The following PRR14L variants were observed in gnomAD, a reference collection of about 807,000 sequenced individuals.
The protein encoded by PRR14L is proline rich 14 like.
In PRR14L, 80 loss-of-function variants were observed where a neutral mutation model predicts 155.0. The observed-to-expected ratio is 0.52, with a 90% CI of 0.43 to 0.62. The LOEUF (loss-of-function observed/expected upper bound fraction) is 0.62, where lower values mean the gene tolerates loss of function less well. Among genes scored for constraint, PRR14L ranks in the 20% least tolerant of loss-of-function variants. The pLI, the probability that PRR14L is intolerant of heterozygous loss-of-function variation, is 0.00. For synonymous variants in PRR14L, 883 were observed against 916.0 expected, an observed-to-expected ratio of 0.96 and a Z score of 0.65; for missense variants, 2,469 against 2,548.0, an observed-to-expected ratio of 0.97 and a Z score of 0.67.
At chr22:31,701,512 C>G (rs1049245449) in intron 7 of PRR14L, 144 bp downstream of exon 7, 1 of 554,712 alleles carries the variant, frequency 1.8e-6, no homozygotes, top group African/African-American at 1.9e-5. Context: ...AAATATCTAG[C>G]GACATTACTA....
rs779669195 is a variant in PRR14L, at chr22:31,716,524, T to C, written c.1315A>G (p.Lys439Glu). 5.2e-6 allele frequency: 8 copies of C among 1,545,682 alleles called. No homozygotes were observed. Among genetic ancestry groups the C allele is most frequent in the South Asian group, 4.9e-5 (4 of 82,394 alleles). The change falls in exon 4 of 9, where the codon AAG (lysine) becomes GAG (glutamate). Residue 439 changes from lysine (K) to glutamate (E), a missense_variant. This residue lies in a region of PRR14L where 2,363 missense variants were observed against 2,371.6 expected (regional missense o/e 1.00). Coordinates refer to ENST00000327423, the MANE Select transcript of PRR14L (RefSeq NM_173566.3). ...ATGCAGTTATTGTGGATATTTTCCT[T>C]TGGAGAAACAACAGGCTCTTTTTCA... ...SGEKEPVVSP[K>E]ENIHNNCIQD...
At chr22:31,749,636 C>T (rs1425500231) in intron 1 of PRR14L, among the ~76,000 whole-genome samples, 1 of 152,158 alleles carries the variant, frequency 6.6e-6, no homozygotes, top group African/African-American at 2.4e-5. Context: ...AGTGGGTCTC[C>T]CTCTGCTGAC....
intron 4 of PRR14L, among the ~76,000 whole-genome samples, chr22:31,709,838 G>C (rs1018005774): frequency 6.6e-6 from 1 of 151,672 alleles, no homozygotes; most frequent in Non-Finnish European, 1.5e-5. Context: ...ACGGTGCCCA[G>C]CTTCCAGGAT....
At chr22:31,692,705 G>C (rs1183851289) in intron 7 of PRR14L, among the ~76,000 whole-genome samples, 1 of 152,156 alleles carries the variant, frequency 6.6e-6, no homozygotes, top group Non-Finnish European at 1.5e-5. Flanking sequence ...TCAGTGGTTT[G>C]ATGACAGTTC....
In PRR14L at chr22:31,685,300, G is replaced by C; in HGVS notation, c.*227C>G. 2.1e-6 allele frequency: 1 copy of C among 467,560 alleles called. No individual in the cohort carries two copies. The highest frequency in any genetic ancestry group is 3.8e-6 in the Non-Finnish European group (1 of 265,168). The allele number at this position is 467,560 out of a possible 1,614,324, so 29.0% of individuals were successfully genotyped here. A position where few individuals can be genotyped will look rare whatever the true frequency, so the allele number is the denominator to read the frequency against. On this transcript the variant is annotated 3_prime_UTR_variant, in exon 9 of 9. Transcript: ENST00000327423. Reference sequence around the variant, plus strand: ...TTTCCAGGAGAAAGGGAGCATTCCTGAGGTTCTATACTCAGCAGTAAAAGT... The same window carrying C: ...TTTCCAGGAGAAAGGGAGCATTCCTCAGGTTCTATACTCAGCAGTAAAAGT...
intron 4 of PRR14L, among the ~76,000 whole-genome samples, chr22:31,710,708 C>T (rs2074616354): frequency 6.6e-6 from 1 of 152,156 alleles, no homozygotes; most frequent in Non-Finnish European, 1.5e-5. Flanking sequence ...CCTGTCTCGG[C>T]CTCCCAAAGC....
intron 2 of PRR14L, among the ~76,000 whole-genome samples, chr22:31,732,081 A>T (rs1276435226): frequency 6.6e-6 from 1 of 152,192 alleles, no homozygotes; most frequent in East Asian, 1.9e-4. Context: ...CAGGATAGGT[A>T]ATCAAATTCA....
intron 7 of PRR14L, among the ~76,000 whole-genome samples, chr22:31,701,223 G>A (rs551646285): frequency 6.6e-6 from 1 of 151,314 alleles, no homozygotes; most frequent in Admixed American, 6.6e-5. Flanking sequence ...CCCGACCTCA[G>A]GTGATCTCCC....
Position 31,703,599 on chromosome 22 carries a change from A to C in PRR14L, c.5951T>G (p.Val1984Gly). 1 of 1,613,962 alleles carries C rather than the reference A, an allele frequency of 6.2e-7. No homozygotes were observed. The highest frequency in any genetic ancestry group is 8.5e-7 in the Non-Finnish European group (1 of 1,179,936). ...CTGTGGGCAGGGGCATGCTGCTTTC[A>C]CACCATCCAGCTCATCCAATCCACG... is the stretch of plus-strand genomic sequence containing the variant. ...QVRGLDELDGVKAACPCPQSS... is the reference protein window; with the variant it reads ...QVRGLDELDGGKAACPCPQSS... The change falls in exon 6 of 9, where the codon GTG becomes GGG. Residue 1984 changes from valine (V) to glycine (G), a missense_variant. Coordinates refer to ENST00000327423, the MANE Select transcript of PRR14L (RefSeq NM_173566.3).
At position 31,712,245 on chromosome 22, in the gene PRR14L, G is replaced by T; in HGVS notation, c.5594C>A (p.Ser1865Tyr). 6.2e-7 allele frequency: 1 copy of T among 1,614,202 alleles called. No individual in the cohort carries two copies. The highest frequency in any genetic ancestry group is 1.1e-5 in the South Asian group (1 of 91,082). ...GACCTTGTCTGCTATGGAGGCTGGA[G>T]ACCGTAACCCTTTCAGGCCCTGTGT... ...QFTQGLKGLR[S>Y]PASIADKVFC... The change falls in exon 4 of 9, where the codon TCT (serine) becomes TAT (tyrosine). Residue 1865 changes from serine (S) to tyrosine (Y), a missense_variant. Ser to Tyr is a moderately radical substitution (Grantham distance 144, BLOSUM62 -2). This residue lies in a region of PRR14L where 2,363 missense variants were observed against 2,371.6 expected (regional missense o/e 1.00). Coordinates refer to ENST00000327423, the MANE Select transcript of PRR14L (RefSeq NM_173566.3).
intron 5 of PRR14L, 68 bp downstream of exon 5, chr22:31,704,587 G>A (rs530920679): frequency 3.9e-6 from 5 of 1,297,232 alleles, no homozygotes; most frequent in South Asian, 2.4e-5. Context: ...CACCACCTAT[G>A]TATGCACTCT....
In PRR14L at chr22:31,698,827, G is replaced by A. The variant is rs189062054; in HGVS notation, c.6107+2829C>T. Among the ~76,000 whole-genome samples, 735 of 151,266 alleles carry A rather than the reference G, an allele frequency of 4.9e-3. 5 individuals carry two copies. The highest frequency in any genetic ancestry group is 0.017 in the African/African-American group (697 of 41,328). ...GTCCCAGCTACTCGGGAGGCTGAGG[G>A]AGGAGAATGGCGTGAACCTGGGAGG... On this transcript the variant is annotated intron_variant, in intron 7 of 8. Coordinates refer to ENST00000327423, the MANE Select transcript of PRR14L (RefSeq NM_173566.3).
intron 1 of PRR14L, among the ~76,000 whole-genome samples, chr22:31,747,470 T>G (rs779562987): frequency 6.7e-6 from 1 of 149,746 alleles, no homozygotes; most frequent in Non-Finnish European, 1.5e-5. Context: ...TCCCTTATCC[T>G]GCTCTCACAT....
chr22:31,726,544 G>A (rs760635940), intron 2 of PRR14L, among the ~76,000 whole-genome samples: 1 of 152,184 alleles, frequency 6.6e-6, no homozygotes, highest in African/African-American at 2.4e-5. Context: ...TGGGATTAAA[G>A]GCATGAGACA....
intron 1 of PRR14L, among the ~76,000 whole-genome samples, chr22:31,742,637 G>A (rs895519283): frequency 9.9e-5 from 15 of 152,120 alleles, no homozygotes; most frequent in South Asian, 2.1e-4. Context: ...AAAGTGCTGG[G>A]ATTAAGGGTG....
chr22:31,734,479 C>A (rs1159415200), intron 2 of PRR14L, among the ~76,000 whole-genome samples: 1 of 152,170 alleles, frequency 6.6e-6, no homozygotes. Context: ...GTTTGCAAAT[C>A]TGAAATGGTA....
At chr22:31,701,800 T>A in intron 6 of PRR14L, 38 bp from the exon 7 acceptor site, 1 of 1,477,308 alleles carries the variant, frequency 6.8e-7, no homozygotes, top group Non-Finnish European at 9.4e-7. Flanking sequence ...GGTCAAGCTG[T>A]AAGACATTTT....
chr22:31,749,020 T>C (rs1039633261), intron 1 of PRR14L, among the ~76,000 whole-genome samples: 1 of 152,188 alleles, frequency 6.6e-6, no homozygotes, highest in African/African-American at 2.4e-5. Flanking sequence ...TGGAAAAATA[T>C]GCTTCTCTGT....
chr22:31,704,778 G>T, intron 4 of PRR14L, 52 bp from the exon 5 acceptor site: 1 of 1,425,036 alleles, frequency 7.0e-7, no homozygotes, highest in Non-Finnish European at 9.9e-7. Flanking sequence ...TGGGATAACA[G>T]GAAAGGTTTT....
Sources: allele counts gnomAD v4.1 joint callset (sites outside exome capture counted in the v4.1 genomes callset), GRCh38; gene constraint gnomAD v4.1.1; regional missense constraint gnomAD v4.1.1; transcripts MANE v1.5; gene names NCBI Gene and HGNC (gene_info 2026-07-23, HGNC 2026-07-21).